The following BCL6B variants were observed in gnomAD, a reference collection of about 807,000 sequenced individuals.
BCL6B encodes the protein BCL6B transcription repressor, also known as B-cell CLL/lymphoma 6 member B protein.
A neutral mutation model predicts 44.6 loss-of-function variants in BCL6B; 28 were observed. The observed-to-expected ratio is 0.63, with a 90% CI of 0.47 to 0.86. The LOEUF is 0.86. BCL6B is among the 40% of genes least tolerant of loss of function. The pLI is 0.00. For missense variants in BCL6B, 626 were observed against 652.3 expected (o/e 0.96, Z 0.44); for synonymous variants, 268 against 263.6 (o/e 1.02, Z -0.16).
At position 7,024,109 on chromosome 17, in the gene BCL6B, G is replaced by A. The variant is rs768774894; in HGVS notation, c.206G>A (p.Gly69Asp). The A allele has an allele frequency of 4.3e-6, 7 of 1,613,900 alleles. No individual in the cohort carries two copies. Among genetic ancestry groups the A allele is most frequent in the South Asian group, 1.1e-5 (1 of 91,088 alleles). Residue 69 changes from glycine to aspartate, a missense_variant, in exon 3 of 9, where the codon GGC becomes GAC. By Grantham distance (94) the Gly-to-Asp change is moderately conservative (BLOSUM62 -1). Coordinates refer to ENST00000293805, the MANE Select transcript of BCL6B (RefSeq NM_181844.4). The surrounding 1 kb of genome is among the most constrained non-coding windows in gnomAD (Gnocchi z 6.6). Reference protein sequence around the residue: ...CSGFFYSIFRGRAGVGVDVLS... With the variant: ...CSGFFYSIFRDRAGVGVDVLS... The stretch of plus-strand genomic sequence containing the variant: ...GGCTTCTTCTATTCAATTTTCCGGG[G>A]CCGTGCGGGAGTCGGGGTGGACGTG...
intron 6 of BCL6B, 31 bp downstream of exon 6, chr17:7,026,652 C>T (rs760396529): frequency 1.5e-5 from 24 of 1,613,908 alleles, no homozygotes; most frequent in Middle Eastern, 3.3e-4. Context: ...GGCCTTCAAG[C>T]CCACAGCTGT....
rs543713267 is a variant in BCL6B at position 7,023,782 on chromosome 17, C to T, written c.111C>T (p.Leu37=). The change falls in exon 2 of 9, where the codon CTC becomes CTT. Residue 37 remains leucine (L), a synonymous_variant. Transcript: ENST00000293805. The part of the protein sequence containing the change: ...NLNELRLRGI[L]TDVTLLVGGQ... ...ACGAGCTGCGCCTGCGCGGGATCCT[C>T]ACTGACGTCACGCTGCTGGTTGGCG... 105 of 1,613,328 alleles carry T rather than the reference C, an allele frequency of 6.5e-5. No individual in the cohort carries two copies. The South Asian group carries it at 1.1e-3, about 17-fold the overall frequency.
At position 7,028,305 on chromosome 17, in the gene BCL6B, G is replaced by T. The variant is rs1910357517; in HGVS notation, c.*686G>T. On this transcript the variant is annotated 3_prime_UTR_variant, in exon 9 of 9. Coordinates refer to ENST00000293805, the MANE Select transcript of BCL6B (RefSeq NM_181844.4). The stretch of plus-strand genomic sequence containing the variant: ...ATGCGGGATTGTGGAATTGGGTCAG[G>T]AACCCTCTCTGGTATTCTGGATGTT... 1 of 985,348 alleles carries T rather than the reference G, an allele frequency of 1.0e-6. No individual in the cohort carries two copies. Among genetic ancestry groups the T allele is most frequent in the Non-Finnish European group, 1.2e-6 (1 of 829,986 alleles). 61.0% of individuals were successfully genotyped at this position (985,348 alleles called of 1,614,324 possible). A position where few individuals can be genotyped will look rare whatever the true frequency, so the allele number is the denominator to read the frequency against.
rs886067715 is a variant in BCL6B at position 7,029,515 on chromosome 17, G to A, written c.*1896G>A. 8.4e-6 allele frequency: 9 copies of A among 1,073,976 alleles called. No homozygotes were observed. Among genetic ancestry groups the A allele is most frequent in the East Asian group, 8.8e-5 (1 of 11,390 alleles). The allele number at this position is 1,073,976 out of a possible 1,614,324, so 66.5% of individuals were successfully genotyped here. A position where few individuals can be genotyped will look rare whatever the true frequency, so the allele number is the denominator to read the frequency against. ...AATTAAAGAAGGAAGAAGGGAAGGC[G>A]GAGGAGTCTATAAGAAGGAATCATG... On this transcript the variant is annotated 3_prime_UTR_variant, in exon 9 of 9. Transcript: ENST00000293805.
chr17:7,026,829 T>A lies in BCL6B; in HGVS notation c.1179T>A (p.Phe393Leu). ...PYKCETCGSR[F>L]VQVAHLRAHV... ...AGTGTGAGACGTGCGGCTCGCGCTT[T>A]GTACAGGTACGGAGCCAGCCTCCAA... The change falls in exon 7 of 9, where the codon TTT becomes TTA. Residue 393 changes from phenylalanine to leucine, a missense_variant. By Grantham distance (22) the Phe-to-Leu change is conservative. Coordinates refer to ENST00000293805, the MANE Select transcript of BCL6B (RefSeq NM_181844.4). The A allele has an allele frequency of 6.2e-7, 1 of 1,613,896 alleles. No homozygotes were observed. Among genetic ancestry groups the A allele is most frequent in the Non-Finnish European group, 8.5e-7 (1 of 1,180,032 alleles).
Position 7,027,546 on chromosome 17 carries a change from G to A in BCL6B, c.1367G>A (p.Arg456Gln), listed in dbSNP as rs769964987. The change falls in exon 9 of 9, where the codon CGG becomes CAG. Residue 456 changes from arginine (R) to glutamine (Q), a missense_variant. Coordinates refer to ENST00000293805, the MANE Select transcript of BCL6B (RefSeq NM_181844.4). The stretch of plus-strand genomic sequence containing the variant: ...CATTTCCGGCACAAGAGTCAACTGC[G>A]GCTGCATCTGCGCCAGAAACACGGA... ...GLHFRHKSQL[R>Q]LHLRQKHGAA... is the part of the protein sequence containing the mutation. 11 of 1,613,756 alleles carry A rather than the reference G, an allele frequency of 6.8e-6. No homozygotes were observed. The highest frequency in any genetic ancestry group is 5.3e-5 in the African/African-American group (4 of 74,902).
intron 1 of BCL6B, 77 bp from the exon 2 acceptor site, chr17:7,023,583 G>C: frequency 7.1e-7 from 1 of 1,410,168 alleles, no homozygotes. Flanking sequence ...GTTGCACCTC[G>C]GAAGGAAAAG....
intron 5 of BCL6B, 62 bp downstream of exon 5, chr17:7,025,262 A>T: frequency 6.3e-7 from 1 of 1,593,204 alleles, no homozygotes; most frequent in Non-Finnish European, 8.6e-7. Flanking sequence ...TGTGCCAAAA[A>T]CTCTCCCAGA....
At position 7,028,315 on chromosome 17, in the gene BCL6B, T is replaced by C; in HGVS notation, c.*696T>C. 4 of 985,476 alleles carry C rather than the reference T, an allele frequency of 4.1e-6. No individual in the cohort carries two copies. The highest frequency in any genetic ancestry group is 4.8e-6 in the Non-Finnish European group (4 of 829,966). 61.0% of individuals were successfully genotyped at this position (985,476 alleles called of 1,614,324 possible). A position where few individuals can be genotyped will look rare whatever the true frequency, so the allele number is the denominator to read the frequency against. Reference sequence around the variant, plus strand: ...GTGGAATTGGGTCAGGAACCCTCTCTGGTATTCTGGATGTTGTAGGTTCTC... The same window carrying C: ...GTGGAATTGGGTCAGGAACCCTCTCCGGTATTCTGGATGTTGTAGGTTCTC... On this transcript the variant is annotated 3_prime_UTR_variant, in exon 9 of 9. Transcript: ENST00000293805.
Position 7,024,307 on chromosome 17 carries a change from G to T in BCL6B, c.401+3G>T. The T allele has an allele frequency of 6.2e-7, 1 of 1,613,786 alleles. No individual in the cohort carries two copies. Among genetic ancestry groups the T allele is most frequent in the Non-Finnish European group, 8.5e-7 (1 of 1,180,006 alleles). On this transcript the variant is annotated splice_donor_region_variant and intron_variant, in intron 3 of 8. Coordinates refer to ENST00000293805, the MANE Select transcript of BCL6B (RefSeq NM_181844.4). This position sits in a 1 kb window ranked among gnomAD's most constrained non-coding sequence, Gnocchi z 6.6. ...TGCCACCGCTTCATCCAGGCCAGGTGAGGGACCCTGGCTCGGCGTTCTCTG... is the reference window on the plus strand; with the variant it reads ...TGCCACCGCTTCATCCAGGCCAGGTTAGGGACCCTGGCTCGGCGTTCTCTG...
Position 7,023,735 on chromosome 17 carries a change from T to G in BCL6B, c.64T>G (p.Ser22Ala). Reference protein sequence around the residue: ...GYVREFTRHSSDVLGNLNELR... With the variant: ...GYVREFTRHSADVLGNLNELR... ...CGTCCGCGAGTTCACTCGCCACTCC[T>G]CCGACGTGCTGGGCAACCTCAACGA... The change falls in exon 2 of 9, where the codon TCC becomes GCC. Residue 22 changes from serine to alanine, a missense_variant. By Grantham distance (99) the Ser-to-Ala change is moderately conservative. Coordinates refer to ENST00000293805, the MANE Select transcript of BCL6B (RefSeq NM_181844.4). The G allele has an allele frequency of 1.2e-6, 2 of 1,613,228 alleles. No homozygotes were observed. The highest frequency in any genetic ancestry group is 1.7e-6 in the Non-Finnish European group (2 of 1,180,018).
rs1910366938 is a variant in BCL6B, at chr17:7,028,498, G to GTGGGTGT, written c.*879_*880insTGGGTGT. 1 of 985,448 alleles carries GTGGGTGT rather than the reference G, an allele frequency of 1.0e-6. No homozygotes were observed. The highest frequency in any genetic ancestry group is 1.2e-6 in the Non-Finnish European group (1 of 829,910). 61.0% of individuals were successfully genotyped at this position (985,448 alleles called of 1,614,324 possible). On this transcript the variant is annotated 3_prime_UTR_variant, in exon 9 of 9. Coordinates refer to ENST00000293805, the MANE Select transcript of BCL6B (RefSeq NM_181844.4). Reference sequence around the variant, plus strand: ...TTCCGTATCACTCCAAGTGGAGGCTGGCAGGTTTTTCTGCAAGATGGTCCA... The same window carrying GTGGGTGT: ...TTCCGTATCACTCCAAGTGGAGGCTGTGGGTGTGCAGGTTTTTCTGCAAGATGGTCCA...
chr17:7,024,842 GAGGA>G lies in BCL6B; in HGVS notation c.764+83_764+86del, dbSNP rs1036863248. On this transcript the variant is annotated intron_variant, in intron 4 of 8. Transcript: ENST00000293805. This position sits in a 1 kb window ranked among gnomAD's most constrained non-coding sequence, Gnocchi z 6.6. ...AGAGTCATTGGGCCTTGATGGTCAG[GAGGA>G]AGGGAGATAGGTGGTGGGTTTCAGA... The G allele has an allele frequency of 6.7e-7, 1 of 1,501,362 alleles. No homozygotes were observed. The highest frequency in any genetic ancestry group is 8.9e-7 in the Non-Finnish European group (1 of 1,126,588). 93.0% of individuals were successfully genotyped at this position (1,501,362 alleles called of 1,614,324 possible).
Position 7,024,495 on chromosome 17 carries a change from G to A in BCL6B, c.496G>A (p.Gly166Arg), listed in dbSNP as rs774769197. 1.2e-6 allele frequency: 2 copies of A among 1,613,216 alleles called. No homozygotes were observed. The highest frequency in any genetic ancestry group is 1.7e-6 in the Non-Finnish European group (2 of 1,179,890). ...ACCAGGTAGTCCCAGGCGCTCCGAA[G>A]GACACCCAGACCCACCTACTGAATC... ...PPPGSPRRSE[G>R]HPDPPTESRS... is the part of the protein sequence containing the mutation. The change falls in exon 4 of 9, where the codon GGA (glycine) becomes AGA (arginine). Residue 166 changes from glycine to arginine, a missense_variant. Coordinates refer to ENST00000293805, the MANE Select transcript of BCL6B (RefSeq NM_181844.4). This position sits in a 1 kb window ranked among gnomAD's most constrained non-coding sequence, Gnocchi z 6.6.
chr17:7,025,663 T>G (rs1163748690), intron 5 of BCL6B, among the ~76,000 whole-genome samples: 1 of 151,832 alleles, frequency 6.6e-6, no homozygotes. Context: ...TCAGATGTGG[T>G]CTCTACAAAA....
At position 7,024,609 on chromosome 17, in the gene BCL6B, T is replaced by C. The variant is rs761190957; in HGVS notation, c.610T>C (p.Ser204Pro). Residue 204 changes from serine (S) to proline (P), a missense_variant, in exon 4 of 9, where the codon TCT becomes CCT. Ser to Pro is a moderately conservative substitution (Grantham distance 74). Transcript: ENST00000293805. The surrounding 1 kb of genome is among the most constrained non-coding windows in gnomAD (Gnocchi z 6.6). ...WKKYKYIVLN[S>P]QASQAGSLVG... Reference sequence around the variant, plus strand: ...AAAGTACAAGTACATCGTGCTAAACTCTCAGGCCTCCCAAGCAGGGAGCCT... The same window carrying C: ...AAAGTACAAGTACATCGTGCTAAACCCTCAGGCCTCCCAAGCAGGGAGCCT... 3 of 1,614,090 alleles carry C rather than the reference T, an allele frequency of 1.9e-6. No individual in the cohort carries two copies. The highest frequency in any genetic ancestry group is 2.5e-6 in the Non-Finnish European group (3 of 1,180,018).
chr17:7,026,063 A>G (rs991775010), intron 5 of BCL6B, among the ~76,000 whole-genome samples: 17 of 152,108 alleles, frequency 1.1e-4, no homozygotes, highest in Non-Finnish European at 2.5e-4. Context: ...CTGGGACTAC[A>G]GGCACGTGCC....
At position 7,024,008 on chromosome 17, in the gene BCL6B, G is replaced by T. The variant is rs1257268065; in HGVS notation, c.180-75G>T. 3 of 1,551,324 alleles carry T rather than the reference G, an allele frequency of 1.9e-6. No individual in the cohort carries two copies. The highest frequency in any genetic ancestry group is 4.5e-5 in the East Asian group (2 of 44,360). On this transcript the variant is annotated intron_variant, in intron 2 of 8. Transcript: ENST00000293805. The surrounding 1 kb of genome is among the most constrained non-coding windows in gnomAD (Gnocchi z 6.6). ...GTGAGGAGGCGGGACTTTTTCAGGG[G>T]GCGGGGCTTCCTGAAGCTGCGCATG...
At position 7,023,649 on chromosome 17, in the gene BCL6B, G is replaced by A; in HGVS notation, c.-12-11G>A. The A allele has an allele frequency of 6.3e-7, 1 of 1,598,102 alleles. No individual in the cohort carries two copies. Among genetic ancestry groups the A allele is most frequent in the East Asian group, 2.2e-5 (1 of 44,684 alleles). On this transcript the variant is annotated splice_polypyrimidine_tract_variant and intron_variant, in intron 1 of 8. Coordinates refer to ENST00000293805, the MANE Select transcript of BCL6B (RefSeq NM_181844.4). Reference sequence around the variant, plus strand: ...TGCCTGGATCCAGAGCACTTTCCACGGCCTCTACAGGCCTGTGTCGCTATG... The same window carrying A: ...TGCCTGGATCCAGAGCACTTTCCACAGCCTCTACAGGCCTGTGTCGCTATG...
Sources: allele counts gnomAD v4.1 joint callset (sites outside exome capture counted in the v4.1 genomes callset), GRCh38; gene constraint gnomAD v4.1.1; non-coding constraint Gnocchi (gnomAD v3.1); transcripts MANE v1.5; gene names NCBI Gene and HGNC (gene_info 2026-07-23, HGNC 2026-07-21).